The following KLF12 variants were observed in gnomAD, a reference collection of about 807,000 sequenced individuals.
KLF12 encodes the protein Krueppel-like factor 12.
A neutral mutation model predicts 37.8 loss-of-function variants in KLF12; 9 were observed. The ratio of observed to expected loss-of-function variants is 0.24; its 90% CI spans 0.14 to 0.42. KLF12 has a LOEUF of 0.42. Among genes scored for constraint, KLF12 ranks in the 10% least tolerant of loss-of-function variants. The pLI is 1.00. For synonymous variants in KLF12, 208 were observed against 202.1 expected (o/e 1.03, Z -0.25); for missense variants, 411 against 516.0 (o/e 0.80, Z 1.97).
At chr13:74,181,972 T>C in the KLF12 span, among the ~76,000 whole-genome samples, 1 of 152,324 alleles carries the variant, frequency 6.6e-6, no homozygotes, top group East Asian at 1.9e-4. Flanking sequence ...CACACATATA[T>C]AGTACGCTAT....
intron 1 of KLF12, among the ~76,000 whole-genome samples, chr13:74,090,579 T>C (rs747043726): frequency 3.3e-5 from 5 of 152,148 alleles, no homozygotes; most frequent in Non-Finnish European, 5.9e-5. Context: ...GTGGTTTTAA[T>C]TTGCATTTCC....
chr13:74,274,652 T>C, the KLF12 span, among the ~76,000 whole-genome samples: 730 of 152,004 alleles, frequency 4.8e-3, 6 homozygotes, highest in African/African-American at 0.016. Context: ...TTTTCTTTGC[T>C]AGTTTGGCGG....
intron 2 of KLF12, among the ~76,000 whole-genome samples, chr13:73,956,801 A>T (rs569461968): frequency 6.6e-6 from 1 of 152,004 alleles, no homozygotes; most frequent in East Asian, 1.9e-4. Flanking sequence ...GGTGGTGTGC[A>T]CCTATAGTCC....
chr13:73,691,990 T>TC lies in KLF12; in HGVS notation c.*3499dup, dbSNP rs911317505. The TC allele has an allele frequency of 6.6e-6, 1 of 152,628 alleles. No individual in the cohort carries two copies. The highest frequency in any genetic ancestry group is 2.4e-5 in the African/African-American group (1 of 41,452). The allele number at this position is 152,628 out of a possible 1,614,324, so 9.5% of individuals were successfully genotyped here. On this transcript the variant is annotated 3_prime_UTR_variant, in exon 8 of 8. Coordinates refer to ENST00000377669, the MANE Select transcript of KLF12 (RefSeq NM_007249.5). ...TTCCCCTGACAATCATCTTCCTTTT[T>TC]CCCACTTAAGCTTTCAAGTGAATGA... is the stretch of plus-strand genomic sequence containing the variant.
chr13:74,262,861 A>G, the KLF12 span, among the ~76,000 whole-genome samples: 1 of 152,146 alleles, frequency 6.6e-6, no homozygotes, highest in Non-Finnish European at 1.5e-5. Flanking sequence ...ACATATATAT[A>G]TGTATATATC....
chr13:73,913,507 G>A (rs1250145592), intron 3 of KLF12, among the ~76,000 whole-genome samples: 1 of 152,148 alleles, frequency 6.6e-6, no homozygotes, highest in African/African-American at 2.4e-5. Flanking sequence ...ATCTAAGCAT[G>A]AATAAGAAAA....
chr13:73,728,113 G>A (rs1482287724), intron 6 of KLF12, among the ~76,000 whole-genome samples: 3 of 152,088 alleles, frequency 2.0e-5, no homozygotes, highest in African/African-American at 7.2e-5. Context: ...ACATCTTTCC[G>A]TTTAATTAAA....
the KLF12 span, among the ~76,000 whole-genome samples, chr13:74,152,817 G>A: frequency 1.3e-5 from 2 of 151,552 alleles, no homozygotes; most frequent in East Asian, 1.9e-4. Flanking sequence ...CCGGGGAGTC[G>A]AGGCTGCAGT....
Position 74,124,455 on chromosome 13 carries a change from T to G in KLF12, c.-32+9284A>C, listed in dbSNP as rs182412485. ...ATAATATTTTAATACAAACTAAATA[T>G]TCCCATTATTTAAAAGATTTTTTTG... On this transcript the variant is annotated intron_variant, in intron 1 of 7. Transcript: ENST00000377669. Among the ~76,000 whole-genome samples the G allele has an allele frequency of 5.0e-3, 756 of 152,334 alleles. 2 individuals are homozygous for G. The highest frequency in any genetic ancestry group is 7.2e-3 in the Non-Finnish European group (490 of 68,028).
chr13:74,223,365 C>A, the KLF12 span, among the ~76,000 whole-genome samples: 4 of 152,130 alleles, frequency 2.6e-5, no homozygotes, highest in Non-Finnish European at 4.4e-5. Flanking sequence ...CTACTGAGAA[C>A]CCCCATCTAT....
At chr13:73,724,341 A>C (rs968910277) in intron 6 of KLF12, among the ~76,000 whole-genome samples, 1 of 152,212 alleles carries the variant, frequency 6.6e-6, no homozygotes, top group Non-Finnish European at 1.5e-5. Context: ...TTGAACAATG[A>C]GAACACATAG....
chr13:73,996,759 C>A (rs939452302), intron 1 of KLF12, among the ~76,000 whole-genome samples: 1 of 152,138 alleles, frequency 6.6e-6, no homozygotes, highest in Non-Finnish European at 1.5e-5. Flanking sequence ...ACACAAAGAG[C>A]CTCCAATCAG....
intron 1 of KLF12, among the ~76,000 whole-genome samples, chr13:74,096,243 G>C (rs1593896201): frequency 6.6e-6 from 1 of 152,326 alleles, no homozygotes; most frequent in South Asian, 2.1e-4. Flanking sequence ...GACTACAAGA[G>C]TTCATCATTC....
At chr13:73,719,798 T>A (rs1403770592) in intron 6 of KLF12, among the ~76,000 whole-genome samples, 3 of 152,058 alleles carry the variant, frequency 2.0e-5, no homozygotes, top group Non-Finnish European at 4.4e-5. Context: ...GACGGGGTTT[T>A]GTTATGTTGC....
chr13:73,978,028 CT>C (rs60584142), intron 2 of KLF12, among the ~76,000 whole-genome samples: 7,310 of 152,200 alleles, frequency 0.048, 377 homozygotes, highest in African/African-American at 0.13. Flanking sequence ...TAGAAAACAA[CT>C]TTAAGAGAAA....
At chr13:74,233,508 G>T in the KLF12 span, among the ~76,000 whole-genome samples, 1 of 152,186 alleles carries the variant, frequency 6.6e-6, no homozygotes, top group Non-Finnish European at 1.5e-5. Flanking sequence ...CACCCATGCA[G>T]ATTCATAATC....
intron 2 of KLF12, among the ~76,000 whole-genome samples, chr13:73,991,387 G>A (rs573132259): frequency 3.4e-4 from 51 of 152,224 alleles, no homozygotes; most frequent in African/African-American, 1.2e-3. Context: ...GACCTTTGAG[G>A]GCACTTCGAT....
chr13:74,060,490 G>GTGTGTGTGTGTGTGTGTGTGTC (rs1555336640), intron 1 of KLF12, among the ~76,000 whole-genome samples: 107 of 98,648 alleles, frequency 1.1e-3, no homozygotes, highest in Middle Eastern at 0.011. Context: ...GGTTTTGTGT[G>GTGTGTGTGTGTGTGTGTGTGTC]TGTGTGTGTG....
rs533167659 is a variant in KLF12 at position 73,883,439 on chromosome 13, C to T, written c.124-37066G>A. The stretch of plus-strand genomic sequence containing the variant: ...GACACGACATCCAATCAAGGTAGCA[C>T]GTGGTTAGGGATTTTTCTTTTTCTC... On this transcript the variant is annotated intron_variant, in intron 3 of 7. Transcript: ENST00000377669. 5.3e-5 allele frequency among the ~76,000 whole-genome samples: 8 copies of T among 152,176 alleles called. No homozygotes were observed. In the East Asian group the frequency reaches 9.7e-4, roughly 18 times the overall value.
Sources: gnomAD v4.1 joint callset for allele counts (sites outside exome capture counted in the v4.1 genomes callset) on GRCh38, gnomAD v4.1.1 for gene constraint, MANE v1.5 for transcripts, NCBI Gene and HGNC (gene_info 2026-07-23, HGNC 2026-07-21) for gene names.